YTHDC2: variants seen among roughly 807,000 people sequenced by gnomAD.
YTHDC2 encodes 3'-5' RNA helicase YTHDC2.
Under a neutral mutation model 174.9 loss-of-function variants are expected in YTHDC2, and 45 were observed. The observed-to-expected ratio is 0.26, with a 90% CI of 0.20 to 0.33. The LOEUF (loss-of-function observed/expected upper bound fraction) is 0.33. Ranked by LOEUF, YTHDC2 falls within the 10% of genes least tolerant of loss-of-function variation. The pLI is 1.00. For synonymous variants in YTHDC2, 657 were observed against 574.5 expected (o/e 1.14, Z -2.05); for missense variants, 1,650 against 1,723.7 (o/e 0.96, Z 0.76).
chr5:113,564,203 T>C, intron 20 of YTHDC2, 72 bp downstream of exon 20: 1 of 1,419,714 alleles, frequency 7.0e-7, no homozygotes, highest in East Asian at 2.4e-5. Flanking sequence ...TGTAGGAATT[T>C]TAAAAATAAT....
chr5:113,534,511 T>C, intron 6 of YTHDC2, 104 bp downstream of exon 6: 1 of 947,106 alleles, frequency 1.1e-6, no homozygotes, highest in Non-Finnish European at 1.6e-6. Context: ...CATAATTACA[T>C]TTTTGGAATA....
Position 113,542,353 on chromosome 5 carries a change from T to C in YTHDC2, c.1360-15T>C, listed in dbSNP as rs755844133. 5.6e-6 allele frequency: 9 copies of C among 1,602,042 alleles called. No homozygotes were observed. The highest frequency in any genetic ancestry group is 7.6e-6 in the Non-Finnish European group (9 of 1,176,898). ...GTAATTTATGATAATTTATGATTTT[T>C]ACTGTTTTTTGTAGACTGAAAAAGA... is the stretch of plus-strand genomic sequence containing the variant. On this transcript the variant is annotated splice_polypyrimidine_tract_variant and intron_variant, in intron 9 of 29. Coordinates refer to ENST00000161863, the MANE Select transcript of YTHDC2 (RefSeq NM_022828.5).
intron 2 of YTHDC2, among the ~76,000 whole-genome samples, chr5:113,519,857 CAA>C (rs1270335361): frequency 6.6e-6 from 1 of 152,060 alleles, no homozygotes; most frequent in African/African-American, 2.4e-5. Flanking sequence ...TAATTTAAAT[CAA>C]AGAGTCAATA....
intron 7 of YTHDC2, among the ~76,000 whole-genome samples, chr5:113,538,484 G>C (rs1273673744): frequency 1.3e-5 from 2 of 152,072 alleles, no homozygotes; most frequent in Admixed American, 1.3e-4. Context: ...TTAGTTCCTT[G>C]AAACACCTTT....
Position 113,513,854 on chromosome 5 carries a change from G to A in YTHDC2, c.-42G>A, listed in dbSNP as rs1202611259. 7.1e-6 allele frequency: 11 copies of A among 1,545,984 alleles called. No individual in the cohort carries two copies. Among genetic ancestry groups the A allele is most frequent in the Non-Finnish European group, 8.7e-6 (10 of 1,151,158 alleles). ...CTTTGTCATTGGCTGTCAGCTAGCA[G>A]GCCTGGCCGCTCCCGTGCGGAGAGA... On this transcript the variant is annotated 5_prime_UTR_variant, in exon 1 of 30. Transcript: ENST00000161863.
rs759569309 is a variant in YTHDC2, at chr5:113,548,938, C to T, written c.1623-17C>T. ...ACAATTTTGATGACATCTTATATAT[C>T]CTTTGAATTTTGGCAGGATGGCATT... On this transcript the variant is annotated splice_polypyrimidine_tract_variant and intron_variant, in intron 11 of 29. Coordinates refer to ENST00000161863, the MANE Select transcript of YTHDC2 (RefSeq NM_022828.5). The T allele has an allele frequency of 6.2e-7, 1 of 1,609,060 alleles. No homozygotes were observed. The highest frequency in any genetic ancestry group is 8.5e-7 in the Non-Finnish European group (1 of 1,177,322).
intron 26 of YTHDC2, among the ~76,000 whole-genome samples, chr5:113,586,873 C>A (rs2972257): frequency 0.52 from 65,606 of 127,238 alleles, 18,318 homozygotes; most frequent in East Asian, 0.75. Flanking sequence ...CTCTCTCTCT[C>A]TATATATATA....
chr5:113,565,232 C>T (rs1265557082), intron 20 of YTHDC2, among the ~76,000 whole-genome samples: 1 of 152,084 alleles, frequency 6.6e-6, no homozygotes, highest in Non-Finnish European at 1.5e-5. Context: ...GAGTATTGAT[C>T]AATGGATAAC....
chr5:113,568,705 A>G (rs13182972), intron 23 of YTHDC2, among the ~76,000 whole-genome samples: 18,971 of 152,134 alleles, frequency 0.12, 1,437 homozygotes, highest in Non-Finnish European at 0.18. Flanking sequence ...GACATGATCT[A>G]ATTCCTTTTT....
intron 4 of YTHDC2, among the ~76,000 whole-genome samples, chr5:113,532,286 G>C (rs138893478): frequency 6.6e-6 from 1 of 151,752 alleles, no homozygotes; most frequent in African/African-American, 2.4e-5. Flanking sequence ...TTTTTTTCTT[G>C]AAAGATTTCA....
chr5:113,542,586 C>A, intron 10 of YTHDC2, 83 bp downstream of exon 10: 1 of 1,278,764 alleles, frequency 7.8e-7, no homozygotes, highest in Non-Finnish European at 1.1e-6. Context: ...TATGTACTAC[C>A]AATAATTGCA....
At chr5:113,521,076 CT>C (rs1037556631) in intron 2 of YTHDC2, among the ~76,000 whole-genome samples, 4 of 152,176 alleles carry the variant, frequency 2.6e-5, no homozygotes, top group African/African-American at 9.7e-5. Flanking sequence ...ATCTGTGTTC[CT>C]GCAAAGGACA....
At chr5:113,558,836 C>A (rs934336716) in intron 17 of YTHDC2, among the ~76,000 whole-genome samples, 1 of 150,736 alleles carries the variant, frequency 6.6e-6, no homozygotes, top group Non-Finnish European at 1.5e-5. Flanking sequence ...GCAGGAGAAT[C>A]GCTTGAACCT....
At chr5:113,555,666 T>G (rs1316315355) in intron 16 of YTHDC2, among the ~76,000 whole-genome samples, 3 of 125,326 alleles carry the variant, frequency 2.4e-5, no homozygotes, top group African/African-American at 7.4e-5. Flanking sequence ...AAAATGTCTT[T>G]CCTTGATCTT....
chr5:113,592,072 T>A lies in YTHDC2; in HGVS notation c.4106T>A (p.Phe1369Tyr). Residue 1369 changes from phenylalanine (F) to tyrosine (Y), a missense_variant, in exon 28 of 30, where the codon TTT (phenylalanine) becomes TAT (tyrosine). This residue lies in a region of YTHDC2 where 913 missense variants were observed against 940.4 expected (regional missense o/e 0.97). Transcript: ENST00000161863. ...GGCTCTGCTGGACTAGGAGGAGTAT[T>A]TAAGGTGGAGTGGATACGAAAAGAA... ...DWGSAGLGGVFKVEWIRKESL... is the reference protein window; with the variant it reads ...DWGSAGLGGVYKVEWIRKESL... The A allele has an allele frequency of 6.2e-7, 1 of 1,613,016 alleles. No individual in the cohort carries two copies. Among genetic ancestry groups the A allele is most frequent in the Non-Finnish European group, 8.5e-7 (1 of 1,179,450 alleles).
At chr5:113,583,718 GT>G (rs1778525112) in intron 25 of YTHDC2, 2 of 152,410 alleles carry the variant, frequency 1.3e-5, no homozygotes, top group African/African-American at 4.8e-5. Context: ...CCCTGACCTC[GT>G]AATCTGCCCG....
At chr5:113,531,347 C>T (rs926887183) in intron 4 of YTHDC2, among the ~76,000 whole-genome samples, 6 of 152,040 alleles carry the variant, frequency 3.9e-5, no homozygotes, top group African/African-American at 1.2e-4. Context: ...GTTGTAGCTG[C>T]GGTCCCATCA....
intron 18 of YTHDC2, among the ~76,000 whole-genome samples, chr5:113,562,411 A>C (rs1035934743): frequency 1.3e-5 from 2 of 150,968 alleles, no homozygotes; most frequent in African/African-American, 2.4e-5. Flanking sequence ...ACCCTTAAAG[A>C]GAGGCAGGAT....
chr5:113,581,322 G>A (rs1778389894), intron 24 of YTHDC2, 95 bp from the exon 25 acceptor site: 7 of 1,174,234 alleles, frequency 6.0e-6, no homozygotes, highest in Non-Finnish European at 7.9e-6. Context: ...AAATAAGTTT[G>A]TTGGAAACAG....
Sources: gnomAD v4.1 joint callset for allele counts (sites outside exome capture counted in the v4.1 genomes callset) on GRCh38, gnomAD v4.1.1 for gene constraint, gnomAD v4.1.1 regional missense constraint, MANE v1.5 for transcripts, NCBI Gene and HGNC (gene_info 2026-07-23, HGNC 2026-07-21) for gene names.